BRAF: variants seen among roughly 807,000 people sequenced by gnomAD.
BRAF encodes serine/threonine-protein kinase B-raf.
In BRAF, 16 loss-of-function variants were observed where a neutral mutation model predicts 104.6. The observed-to-expected ratio is 0.15, with a 90% confidence interval of 0.10 to 0.23. The LOEUF is 0.23. Among genes scored for constraint, BRAF ranks in the 10% least tolerant of loss-of-function variants. BRAF has a pLI of 1.00. For missense variants in BRAF, 541 were observed against 937.3 expected (o/e 0.58, Z 5.52); for synonymous variants, 310 against 341.6 (o/e 0.91, Z 1.02).
intron 17 of BRAF, among the ~76,000 whole-genome samples, chr7:140,744,926 A>G (rs1797233090): frequency 6.6e-6 from 1 of 152,166 alleles, no homozygotes; most frequent in Non-Finnish European, 1.5e-5. Context: ...GTAAAATTCT[A>G]AATTTAAATT....
intron 8 of BRAF, among the ~76,000 whole-genome samples, chr7:140,787,985 G>C (rs1303631444): frequency 1.3e-5 from 2 of 152,156 alleles, no homozygotes; most frequent in Admixed American, 6.5e-5. Flanking sequence ...GCCTGTTGGA[G>C]GGTGGATGGT....
At chr7:140,850,348 G>T in intron 1 of BRAF, 136 bp from the exon 2 acceptor site, 2 of 625,538 alleles carry the variant, frequency 3.2e-6, no homozygotes, top group Admixed American at 3.1e-5. Flanking sequence ...TAGTACAGTG[G>T]TTTTTCTCTT....
At chr7:140,735,798 T>C (rs1013085567) in intron 18 of BRAF, among the ~76,000 whole-genome samples, 3 of 152,134 alleles carry the variant, frequency 2.0e-5, no homozygotes, top group Non-Finnish European at 4.4e-5. Flanking sequence ...CCTCAGGTGA[T>C]CTGCCTGCCT....
rs866726583 is a variant in BRAF, at chr7:140,725,690, A to G, written c.*804T>C. On this transcript the variant is annotated 3_prime_UTR_variant, in exon 20 of 20. Transcript: ENST00000644969. ...ACTGTATTTCCTGAGAATTTGCTACATTGTGGAGGAAAAAAAAAAAACCCA... is the reference window on the plus strand; with the variant it reads ...ACTGTATTTCCTGAGAATTTGCTACGTTGTGGAGGAAAAAAAAAAAACCCA... The G allele has an allele frequency of 9.5e-7, 1 of 1,055,206 alleles. No homozygotes were observed. Among genetic ancestry groups the G allele is most frequent in the Non-Finnish European group, 1.1e-6 (1 of 874,776 alleles). 65.4% of individuals were successfully genotyped at this position (1,055,206 alleles called of 1,614,324 possible).
At chr7:140,729,166 T>C (rs950741984) in intron 19 of BRAF, among the ~76,000 whole-genome samples, 3 of 151,814 alleles carry the variant, frequency 2.0e-5, no homozygotes, top group Non-Finnish European at 4.4e-5. Context: ...GACCAGCAGG[T>C]TGAGGCTGCA....
intron 2 of BRAF, among the ~76,000 whole-genome samples, chr7:140,847,881 GT>G (rs1190211052): frequency 1.3e-5 from 2 of 152,010 alleles, no homozygotes; most frequent in Admixed American, 6.6e-5. Context: ...GCTGCCTTCA[GT>G]GTGTGTGTAT....
chr7:140,818,314 A>ATT (rs1327965535), intron 3 of BRAF, among the ~76,000 whole-genome samples: 11 of 142,632 alleles, frequency 7.7e-5, no homozygotes, highest in Non-Finnish European at 9.3e-5. Flanking sequence ...AAGTATTTTA[A>ATT]TTTTTTTTTT....
intron 3 of BRAF, among the ~76,000 whole-genome samples, chr7:140,818,226 A>G (rs927848478): frequency 6.6e-6 from 1 of 152,180 alleles, no homozygotes; most frequent in African/African-American, 2.4e-5. Flanking sequence ...TGAAGCAAAT[A>G]TAACAAAAAA....
rs1195595039 is a variant in BRAF at position 140,915,815 on chromosome 7, A to T, written c.138+8751T>A. 2.0e-5 allele frequency among the ~76,000 whole-genome samples: 3 copies of T among 151,720 alleles called. No individual in the cohort carries two copies. In the East Asian group the frequency reaches 5.9e-4, roughly 30 times the overall value. ...TAATTTTGGAACAATAGTTAAAAAT[A>T]GTCTGCCAAGATATTGTATTACTCT... On this transcript the variant is annotated intron_variant, in intron 1 of 19. Coordinates refer to ENST00000644969, the MANE Select transcript of BRAF (RefSeq NM_001374258.1).
chr7:140,878,088 CCT>C (rs1812466009), intron 1 of BRAF, among the ~76,000 whole-genome samples: 2 of 151,880 alleles, frequency 1.3e-5, no homozygotes, highest in African/African-American at 4.8e-5. Context: ...CACCAATATC[CCT>C]CTTGAATATA....
At chr7:140,880,209 T>C (rs1812744103) in intron 1 of BRAF, among the ~76,000 whole-genome samples, 5 of 152,228 alleles carry the variant, frequency 3.3e-5, no homozygotes. Flanking sequence ...TAATTTTATG[T>C]AAAATTCTAA....
chr7:140,801,655 T>A, intron 5 of BRAF, 95 bp from the exon 6 acceptor site: 3 of 1,322,132 alleles, frequency 2.3e-6, no homozygotes, highest in Non-Finnish European at 3.2e-6. Context: ...AACAAAGTTG[T>A]AATATATTTA....
intron 11 of BRAF, 75 bp from the exon 11 acceptor site, chr7:140,781,768 T>A: frequency 8.5e-7 from 1 of 1,181,478 alleles, no homozygotes; most frequent in Non-Finnish European, 1.3e-6. Context: ...CTAAGTACAT[T>A]ACCTTATGCC....
chr7:140,751,587 A>G (rs750719698), intron 16 of BRAF, among the ~76,000 whole-genome samples: 2 of 152,180 alleles, frequency 1.3e-5, no homozygotes, highest in African/African-American at 4.8e-5. Context: ...TACTAGTCCA[A>G]CTCAACATTT....
chr7:140,773,592 T>C (rs1800049423), intron 14 of BRAF, among the ~76,000 whole-genome samples: 1 of 152,186 alleles, frequency 6.6e-6, no homozygotes, highest in Admixed American at 6.5e-5. Flanking sequence ...TATTTTCCCC[T>C]CTCTAGAGAA....
chr7:140,743,522 A>G (rs1250518240), intron 17 of BRAF, among the ~76,000 whole-genome samples: 1 of 151,886 alleles, frequency 6.6e-6, no homozygotes, highest in African/African-American at 2.4e-5. Context: ...GAATTGAACA[A>G]TGAGAACACG....
chr7:140,913,079 C>T (rs1189034238), intron 1 of BRAF, among the ~76,000 whole-genome samples: 1 of 152,118 alleles, frequency 6.6e-6, no homozygotes, highest in Admixed American at 6.6e-5. Context: ...AATTTTTGTT[C>T]AAATACCCCC....
At chr7:140,727,386 G>A (rs1423473675) in intron 19 of BRAF, among the ~76,000 whole-genome samples, 1 of 151,904 alleles carries the variant, frequency 6.6e-6, no homozygotes, top group Non-Finnish European at 1.5e-5. Context: ...GTTTCACCAT[G>A]TTGGCCAGAC....
chr7:140,753,731 A>G (rs915769273), intron 15 of BRAF: 1 of 307,772 alleles, frequency 3.2e-6, no homozygotes, highest in Non-Finnish European at 6.2e-6. Flanking sequence ...GGCGAGCAGT[A>G]AAGGCTCTTC....
Sources: allele counts gnomAD v4.1 joint callset (sites outside exome capture counted in the v4.1 genomes callset), GRCh38; gene constraint gnomAD v4.1.1; transcripts MANE v1.5; gene names NCBI Gene and HGNC (gene_info 2026-07-23, HGNC 2026-07-21).